Variants in AP3B1 observed in about 807,000 individuals in gnomAD.
AP3B1 encodes AP-3 complex subunit beta-1.
Under a neutral mutation model 132.5 loss-of-function variants are expected in AP3B1, and 61 were observed. That is an observed-to-expected ratio of 0.46 (90% CI 0.37 to 0.57). The LOEUF is 0.57. Among genes scored for constraint, AP3B1 ranks in the 20% least tolerant of loss-of-function variants. The pLI, the probability that AP3B1 is intolerant of heterozygous loss-of-function variation, is 0.00. For missense variants in AP3B1, 1,120 were observed against 1,289.4 expected, an observed-to-expected ratio of 0.87 and a Z score of 2.01; for synonymous variants, 388 against 438.3, an observed-to-expected ratio of 0.89 and a Z score of 1.43.
At chr5:78,134,694 C>A (rs1303147548) in intron 15 of AP3B1, among the ~76,000 whole-genome samples, 1 of 152,148 alleles carries the variant, frequency 6.6e-6, no homozygotes, top group Non-Finnish European at 1.5e-5. Flanking sequence ...GCATGTGCCA[C>A]CACACCCGGC....
intron 22 of AP3B1, among the ~76,000 whole-genome samples, chr5:78,044,812 C>T (rs1748251468): frequency 6.6e-6 from 1 of 152,116 alleles, no homozygotes; most frequent in Non-Finnish European, 1.5e-5. Context: ...TCTCAAAATT[C>T]TACAGCTTTA....
At chr5:78,255,840 G>C (rs373750885) in intron 2 of AP3B1, among the ~76,000 whole-genome samples, 1 of 152,012 alleles carries the variant, frequency 6.6e-6, no homozygotes, top group East Asian at 1.9e-4. Flanking sequence ...CCATATGTTA[G>C]GTCACAAAAC....
At chr5:78,254,311 A>C (rs1747765792) in intron 2 of AP3B1, among the ~76,000 whole-genome samples, 1 of 152,166 alleles carries the variant, frequency 6.6e-6, no homozygotes, top group Admixed American at 6.5e-5. Flanking sequence ...GGATAATATC[A>C]GAGAACTTCC....
downstream of AP3B1, chr5:78,000,920 T>A (rs956532962): frequency 1.3e-5 from 2 of 152,232 alleles, no homozygotes; most frequent in African/African-American, 4.8e-5. Context: ...AACATTTTAA[T>A]GATATTAAGC....
intron 26 of AP3B1, 56 bp from the exon 27 acceptor site, chr5:78,003,111 A>G (rs558228575): frequency 3.2e-6 from 5 of 1,568,032 alleles, no homozygotes; most frequent in East Asian, 4.5e-5. Context: ...TAAAGGAGAT[A>G]GCATACATTC....
chr5:78,038,431 A>G (rs1309814527), intron 23 of AP3B1, among the ~76,000 whole-genome samples: 2 of 152,056 alleles, frequency 1.3e-5, no homozygotes, highest in Non-Finnish European at 2.9e-5. Flanking sequence ...AAATACACTA[A>G]CCCTAATGAT....
At position 78,181,494 on chromosome 5, in the gene AP3B1, G is replaced by C. The variant is rs1744365944; in HGVS notation, c.942+13C>G. ...AAACCAGTGAATTATTTCTTATAAG[G>C]ATTTTAACATACCGCAGCATTCCTG... On this transcript the variant is annotated intron_variant, in intron 8 of 26. Coordinates refer to ENST00000255194, the MANE Select transcript of AP3B1 (RefSeq NM_003664.5). 6.2e-7 allele frequency: 1 copy of C among 1,610,200 alleles called. No individual in the cohort carries two copies. Among genetic ancestry groups the C allele is most frequent in the African/African-American group, 1.3e-5 (1 of 74,862 alleles).
At chr5:78,145,939 C>G (rs781198634) in intron 14 of AP3B1, among the ~76,000 whole-genome samples, 19 of 152,192 alleles carry the variant, frequency 1.2e-4, no homozygotes, top group Non-Finnish European at 2.5e-4. Context: ...TGAAGGAAAA[C>G]ATGCTCAATA....
rs80048488 is a variant in AP3B1, at chr5:78,104,117, A to G, written c.2398-3092T>C. On this transcript the variant is annotated intron_variant, in intron 20 of 26. Coordinates refer to ENST00000255194, the MANE Select transcript of AP3B1 (RefSeq NM_003664.5). ...GCCATACTGTGCTTTGAAATCAACA[A>G]GAAGTCAAAGCTAATTTCTAGCCTC... 4.9e-3 allele frequency among the ~76,000 whole-genome samples: 745 copies of G among 152,310 alleles called. 4 individuals are homozygous for G. The highest frequency in any genetic ancestry group is 0.017 in the African/African-American group (707 of 41,586).
chr5:78,217,424 G>A (rs1044654607), intron 6 of AP3B1, among the ~76,000 whole-genome samples: 3 of 152,056 alleles, frequency 2.0e-5, no homozygotes, highest in East Asian at 1.9e-4. Context: ...CCATGTACTG[G>A]TGCCTGCTGG....
chr5:78,083,563 C>T (rs746520022), intron 22 of AP3B1, among the ~76,000 whole-genome samples: 6 of 151,986 alleles, frequency 3.9e-5, no homozygotes, highest in African/African-American at 7.3e-5. Flanking sequence ...AATAATAATC[C>T]ATTAAAAAAA....
At position 78,225,609 on chromosome 5, in the gene AP3B1, C is replaced by T; in HGVS notation, c.537-1G>A. On this transcript the variant is annotated splice_acceptor_variant, in intron 5 of 26. Transcript: ENST00000255194. LOFTEE classifies it high-confidence loss of function. ...CATTTCCTTCTGCTCTGGATCAAGGCTAAAAAATACAAAAATAACATATTA... is the reference window on the plus strand; with the variant it reads ...CATTTCCTTCTGCTCTGGATCAAGGTTAAAAAATACAAAAATAACATATTA... 2 of 1,545,646 alleles carry T rather than the reference C, an allele frequency of 1.3e-6. No individual in the cohort carries two copies. The highest frequency in any genetic ancestry group is 1.7e-5 in the Admixed American group (1 of 59,318).
intron 2 of AP3B1, among the ~76,000 whole-genome samples, chr5:78,258,091 T>C (rs1055839394): frequency 1.3e-5 from 2 of 152,202 alleles, no homozygotes; most frequent in East Asian, 3.8e-4. Context: ...CTCCAGGACA[T>C]TGGTCTGGGC....
At chr5:78,187,417 T>C (rs1313101623) in intron 7 of AP3B1, among the ~76,000 whole-genome samples, 1 of 152,192 alleles carries the variant, frequency 6.6e-6, no homozygotes, top group African/African-American at 2.4e-5. Context: ...TTTATAACCA[T>C]CTACTCATTC....
chr5:78,200,189 T>A lies in AP3B1; in HGVS notation c.786+15866A>T, dbSNP rs544161741. 6.6e-5 allele frequency among the ~76,000 whole-genome samples: 10 copies of A among 151,224 alleles called. No homozygotes were observed. The South Asian group carries it at 1.9e-3, about 29-fold the overall frequency. ...TGACAGCTCCATGGGTGTACAGGAG[T>A]CATCATTCAAACATAAATGGGTGCA... On this transcript the variant is annotated intron_variant, in intron 7 of 26. Coordinates refer to ENST00000255194, the MANE Select transcript of AP3B1 (RefSeq NM_003664.5).
chr5:78,059,374 C>T (rs1449247701), intron 22 of AP3B1, among the ~76,000 whole-genome samples: 1 of 152,216 alleles, frequency 6.6e-6, no homozygotes, highest in Admixed American at 6.5e-5. Context: ...TGTTTTAAGC[C>T]ACTAAGTTTG....
At chr5:78,267,461 T>A in intron 2 of AP3B1, 59 bp downstream of exon 2, 2 of 853,746 alleles carry the variant, frequency 2.3e-6, no homozygotes, top group Non-Finnish European at 3.8e-6. Context: ...ATATATATAA[T>A]AATATGATCA....
intron 21 of AP3B1, among the ~76,000 whole-genome samples, chr5:78,090,572 G>A (rs901372007): frequency 6.6e-6 from 1 of 152,180 alleles, no homozygotes; most frequent in Non-Finnish European, 1.5e-5. Flanking sequence ...TGCCTTCTTT[G>A]TTCCACAGAT....
intron 24 of AP3B1, among the ~76,000 whole-genome samples, chr5:78,028,986 C>T (rs1188239179): frequency 6.6e-6 from 1 of 152,028 alleles, no homozygotes; most frequent in Non-Finnish European, 1.5e-5. Context: ...CATATTATCC[C>T]ATAGTTTTCC....
Sources: gnomAD v4.1 joint callset for allele counts (sites outside exome capture counted in the v4.1 genomes callset) on GRCh38, gnomAD v4.1.1 for gene constraint, MANE v1.5 for transcripts, NCBI Gene and HGNC (gene_info 2026-07-23, HGNC 2026-07-21) for gene names.